Variants in BMAL2 observed in about 807,000 individuals in gnomAD.
BMAL2 encodes the protein basic helix-loop-helix ARNT-like protein 2.
the BMAL2 span, among the ~76,000 whole-genome samples, chr12:27,420,118 C>G: frequency 1.3e-5 from 2 of 151,830 alleles, no homozygotes; most frequent in African/African-American, 4.8e-5. Flanking sequence ...AGTGTAATTT[C>G]CTATTAGAAA....
At chr12:27,339,155 T>C in the BMAL2 span, among the ~76,000 whole-genome samples, 1 of 152,186 alleles carries the variant, frequency 6.6e-6, no homozygotes, top group Non-Finnish European at 1.5e-5. Context: ...TGGTTCCCTC[T>C]GTATGTCCAT....
At chr12:27,399,237 C>G in the BMAL2 span, among the ~76,000 whole-genome samples, 1 of 152,230 alleles carries the variant, frequency 6.6e-6, no homozygotes, top group Non-Finnish European at 1.5e-5. Flanking sequence ...CCGCATCTGA[C>G]CGCTCTCTCT....
chr12:27,363,293 C>G, the BMAL2 span, among the ~76,000 whole-genome samples: 2 of 152,162 alleles, frequency 1.3e-5, no homozygotes, highest in Non-Finnish European at 2.9e-5. Context: ...TAATGCATTT[C>G]TTATACCTGT....
the BMAL2 span, among the ~76,000 whole-genome samples, chr12:27,389,567 A>G: frequency 6.6e-6 from 1 of 152,180 alleles, no homozygotes; most frequent in Non-Finnish European, 1.5e-5. Context: ...TGCAAATAAA[A>G]TCTTTACAAG....
chr12:27,404,453 A>G, the BMAL2 span, among the ~76,000 whole-genome samples: 1 of 152,134 alleles, frequency 6.6e-6, no homozygotes, highest in African/African-American at 2.4e-5. Flanking sequence ...TAAAAATGAC[A>G]CCTTAAATCA....
chr12:27,378,883 G>A, the BMAL2 span, among the ~76,000 whole-genome samples: 7 of 152,128 alleles, frequency 4.6e-5, no homozygotes, highest in East Asian at 9.6e-4. Context: ...GAATTGACAG[G>A]AGTTTGTGAT....
At chr12:27,414,690 T>C in the BMAL2 span, among the ~76,000 whole-genome samples, 1 of 151,990 alleles carries the variant, frequency 6.6e-6, no homozygotes, top group African/African-American at 2.4e-5. Context: ...TAAATACCTA[T>C]GTTAAGAAAA....
At chr12:27,379,502 G>A in the BMAL2 span, among the ~76,000 whole-genome samples, 3 of 152,126 alleles carry the variant, frequency 2.0e-5, no homozygotes, top group African/African-American at 4.8e-5. Flanking sequence ...GTGAGGAGAC[G>A]AGGGGACTGA....
the BMAL2 span, among the ~76,000 whole-genome samples, chr12:27,406,924 A>T: frequency 3.5e-4 from 54 of 152,204 alleles, no homozygotes; most frequent in Admixed American, 1.5e-3. Context: ...GAAAACAAAA[A>T]AAGGCAGGGG....
At chr12:27,382,341 T>A in the BMAL2 span, among the ~76,000 whole-genome samples, 2 of 152,214 alleles carry the variant, frequency 1.3e-5, no homozygotes, top group Admixed American at 6.5e-5. Flanking sequence ...TCCTGTTCTG[T>A]GCTGAGAATA....
the BMAL2 span, among the ~76,000 whole-genome samples, chr12:27,399,830 C>T: frequency 1.3e-5 from 2 of 151,908 alleles, no homozygotes; most frequent in African/African-American, 4.8e-5. Context: ...TGTTTATGCC[C>T]GTATTGGATT....
the BMAL2 span, chr12:27,389,360 C>A: frequency 8.9e-7 from 1 of 1,125,294 alleles, no homozygotes; most frequent in Non-Finnish European, 1.3e-6. Context: ...AAAAGTTTAG[C>A]TACACAGTGT....
the BMAL2 span, among the ~76,000 whole-genome samples, chr12:27,366,362 A>C: frequency 6.6e-6 from 1 of 152,144 alleles, no homozygotes. Context: ...CCATATCATT[A>C]TTTTTACTAC....
At chr12:27,397,889 G>A in the BMAL2 span, among the ~76,000 whole-genome samples, 5 of 152,242 alleles carry the variant, frequency 3.3e-5, no homozygotes, top group African/African-American at 1.2e-4. Context: ...TTGTGCATGT[G>A]TGGCAGATGC....
the BMAL2 span, among the ~76,000 whole-genome samples, chr12:27,377,144 A>G: frequency 2.0e-5 from 3 of 151,318 alleles, no homozygotes; most frequent in Non-Finnish European, 4.4e-5. Flanking sequence ...TTCTCCACTT[A>G]TTTTGTTTTC....
chr12:27,396,182 C>T, the BMAL2 span, among the ~76,000 whole-genome samples: 49 of 152,298 alleles, frequency 3.2e-4, no homozygotes, highest in African/African-American at 1.1e-3. Context: ...CAGACTAATA[C>T]AGTGGGTAAT....
the BMAL2 span, among the ~76,000 whole-genome samples, chr12:27,382,638 G>A: frequency 2.0e-5 from 3 of 152,212 alleles, no homozygotes; most frequent in Admixed American, 6.5e-5. Context: ...CAAGCAAGAT[G>A]ATTTAAGGCA....
chr12:27,402,413 C>T, the BMAL2 span, among the ~76,000 whole-genome samples: 2 of 152,074 alleles, frequency 1.3e-5, no homozygotes, highest in South Asian at 4.1e-4. Flanking sequence ...AGAACACATA[C>T]TTTATAGAGG....
At chr12:27,368,915 A>G in the BMAL2 span, among the ~76,000 whole-genome samples, 1 of 152,030 alleles carries the variant, frequency 6.6e-6, no homozygotes, top group Non-Finnish European at 1.5e-5. Flanking sequence ...TATTTTTGTT[A>G]CCCCTGCAGC....
Sources: gnomAD v4.1 joint callset for allele counts (sites outside exome capture counted in the v4.1 genomes callset) on GRCh38, gnomAD v4.1.1 for gene constraint, MANE v1.5 for transcripts, NCBI Gene and HGNC (gene_info 2026-07-23, HGNC 2026-07-21) for gene names.